Variants in ZCCHC17 observed in about 807,000 individuals in gnomAD.
ZCCHC17 encodes zinc finger CCHC-type containing 17.
Under a neutral mutation model 30.6 loss-of-function variants are expected in ZCCHC17, and 18 were observed. The observed-to-expected ratio is 0.59, with a 90% CI of 0.41 to 0.87. The LOEUF (loss-of-function observed/expected upper bound fraction) is 0.87. Among genes scored for constraint, ZCCHC17 ranks in the 40% least tolerant of loss-of-function variants. The pLI is 0.00. For synonymous variants in ZCCHC17, 88 were observed against 92.4 expected (o/e 0.95, Z 0.27); for missense variants, 263 against 284.2 (o/e 0.93, Z 0.54).
chr1:31,363,974 A>G (rs1459050069), intron 7 of ZCCHC17, 58 bp from the exon 8 acceptor site: 2 of 1,586,110 alleles, frequency 1.3e-6, no homozygotes, highest in East Asian at 2.2e-5. Flanking sequence ...ATTATGTGCT[A>G]TGATTGTTAA....
At position 31,346,573 on chromosome 1, in the gene ZCCHC17, C is replaced by T. The variant is rs891269046; in HGVS notation, c.318-67C>T. ...CAAAAACAAAAAACCAACATACAAC[C>T]TTACCTTGTAGTATCTCTGGCCATA... On this transcript the variant is annotated intron_variant, in intron 5 of 7. Coordinates refer to ENST00000344147, the MANE Select transcript of ZCCHC17 (RefSeq NM_016505.4). The T allele has an allele frequency of 4.7e-6, 7 of 1,499,622 alleles. No individual in the cohort carries two copies. The Admixed American group carries it at 1.1e-4, about 23-fold the overall frequency. 92.9% of individuals were successfully genotyped at this position (1,499,622 alleles called of 1,614,324 possible). A position where few individuals can be genotyped will look rare whatever the true frequency, so the allele number is the denominator to read the frequency against.
chr1:31,342,175 G>C (rs1320294941), intron 5 of ZCCHC17, among the ~76,000 whole-genome samples: 1 of 152,106 alleles, frequency 6.6e-6, no homozygotes, highest in Non-Finnish European at 1.5e-5. Flanking sequence ...CTCCCGAGTA[G>C]CTGGGATTAC....
intron 2 of ZCCHC17, chr1:31,318,171 G>C: frequency 6.5e-7 from 1 of 1,534,298 alleles, no homozygotes; most frequent in African/African-American, 1.4e-5. Flanking sequence ...TTTTAGTTAT[G>C]GTGAAGCTGA....
intron 4 of ZCCHC17, 113 bp downstream of exon 4, chr1:31,337,388 T>G (rs1638863504): frequency 2.2e-6 from 2 of 892,364 alleles, no homozygotes; most frequent in Middle Eastern, 2.5e-4. Context: ...ATAATCTTAT[T>G]TTTAAATCCT....
At chr1:31,346,798 GGAA>G in intron 6 of ZCCHC17, 58 bp downstream of exon 6, 1 of 1,608,380 alleles carries the variant, frequency 6.2e-7, no homozygotes, top group East Asian at 2.2e-5. Context: ...ACCCTTTTCT[GGAA>G]GAAGGAGGCA....
chr1:31,334,335 CTCTGTGTGTGTGTGTGTG>C (rs1378264478), intron 3 of ZCCHC17, among the ~76,000 whole-genome samples: 24 of 56,762 alleles, frequency 4.2e-4, no homozygotes, highest in African/African-American at 1.4e-3. Flanking sequence ...CTCTCTCTCT[CTCTGTGTGTGTGTGTGTG>C]TGTGTGTGTG....
intron 3 of ZCCHC17, among the ~76,000 whole-genome samples, chr1:31,323,332 T>G (rs1293745458): frequency 1.1e-4 from 17 of 152,000 alleles, no homozygotes; most frequent in Non-Finnish European, 1.6e-4. Flanking sequence ...TCTTTCTTTT[T>G]TTTTTTTGAG....
chr1:31,310,355 C>T (rs1027098264), intron 2 of ZCCHC17, among the ~76,000 whole-genome samples, 191 bp downstream of exon 2: 2 of 152,166 alleles, frequency 1.3e-5, no homozygotes, highest in African/African-American at 2.4e-5. Flanking sequence ...TAGTTGACAT[C>T]GTCATTGGAA....
chr1:31,303,174 T>G (rs1166011222), intron 1 of ZCCHC17, among the ~76,000 whole-genome samples: 1 of 151,266 alleles, frequency 6.6e-6, no homozygotes, highest in African/African-American at 2.4e-5. Flanking sequence ...CCCAGCTACT[T>G]GGGAGGCTGA....
chr1:31,301,178 T>G (rs1646301901), intron 1 of ZCCHC17, among the ~76,000 whole-genome samples: 1 of 152,196 alleles, frequency 6.6e-6, no homozygotes, highest in Non-Finnish European at 1.5e-5. Context: ...GGGGTAAAAT[T>G]AAATACTTCA....
chr1:31,333,823 C>T lies in ZCCHC17; in HGVS notation c.125-3352C>T, dbSNP rs868131708. 5.3e-5 allele frequency among the ~76,000 whole-genome samples: 8 copies of T among 152,146 alleles called. 1 individual carries two copies. Among genetic ancestry groups the T allele is most frequent in the African/African-American group, 1.9e-4 (8 of 41,438 alleles). On this transcript the variant is annotated intron_variant, in intron 3 of 7. Coordinates refer to ENST00000344147, the MANE Select transcript of ZCCHC17 (RefSeq NM_016505.4). ...TGTGGTACTCCAGTAAATAGACTTT[C>T]TGTTTTAGGGAAGAAGAATAGTGTT...
intron 1 of ZCCHC17, 98 bp from the exon 2 acceptor site, chr1:31,309,946 A>G: frequency 1.6e-6 from 1 of 638,994 alleles, no homozygotes; most frequent in Admixed American, 2.9e-5. Context: ...TGTTAAATCT[A>G]GTGGTATTAT....
In ZCCHC17 at chr1:31,310,095, A is replaced by T. The variant is rs773988784; in HGVS notation, c.-4A>T. Reference sequence around the variant, plus strand: ...AGAAATGGAGGAGCCATAGAATATTAAGGATGAATTCAGGAAGGCCTGAGA... The same window carrying T: ...AGAAATGGAGGAGCCATAGAATATTTAGGATGAATTCAGGAAGGCCTGAGA... On this transcript the variant is annotated 5_prime_UTR_variant, in exon 2 of 8. Transcript: ENST00000344147. 1 of 1,613,984 alleles carries T rather than the reference A, an allele frequency of 6.2e-7. No homozygotes were observed. Among genetic ancestry groups the T allele is most frequent in the South Asian group, 1.1e-5 (1 of 91,042 alleles).
At chr1:31,317,127 T>C (rs1467582985) in intron 2 of ZCCHC17, among the ~76,000 whole-genome samples, 1 of 150,264 alleles carries the variant, frequency 6.7e-6, no homozygotes, top group African/African-American at 2.5e-5. Flanking sequence ...CAGGTTCAAG[T>C]GATTTTTCTG....
chr1:31,302,664 C>T (rs1646346705), intron 1 of ZCCHC17, among the ~76,000 whole-genome samples: 1 of 152,106 alleles, frequency 6.6e-6, no homozygotes, highest in Admixed American at 6.6e-5. Context: ...TTAATTGACT[C>T]ACAGTTCTGA....
At chr1:31,360,911 A>G (rs1639862380) in intron 7 of ZCCHC17, among the ~76,000 whole-genome samples, 1 of 152,172 alleles carries the variant, frequency 6.6e-6, no homozygotes, top group Non-Finnish European at 1.5e-5. Context: ...AGCTTGATAA[A>G]CTAAAGCACT....
At chr1:31,299,604 C>T (rs1646257949) in intron 1 of ZCCHC17, among the ~76,000 whole-genome samples, 1 of 152,200 alleles carries the variant, frequency 6.6e-6, no homozygotes, top group African/African-American at 2.4e-5. Context: ...CAGTCAATAG[C>T]TCCCTGGTTT....
chr1:31,302,017 C>T (rs1646324836), intron 1 of ZCCHC17, among the ~76,000 whole-genome samples: 1 of 152,134 alleles, frequency 6.6e-6, no homozygotes, highest in South Asian at 2.1e-4. Context: ...CACTTGAGGT[C>T]AGGAGTTTGA....
At chr1:31,331,331 A>T (rs1273754599) in intron 3 of ZCCHC17, among the ~76,000 whole-genome samples, 2 of 151,454 alleles carry the variant, frequency 1.3e-5, no homozygotes, top group Non-Finnish European at 2.9e-5. Flanking sequence ...TTTTTAGTAG[A>T]GACGGGGTTT....
Sources: gnomAD v4.1 joint callset for allele counts (sites outside exome capture counted in the v4.1 genomes callset) on GRCh38, gnomAD v4.1.1 for gene constraint, MANE v1.5 for transcripts, NCBI Gene and HGNC (gene_info 2026-07-23, HGNC 2026-07-21) for gene names.